Variants in NT5M observed in about 807,000 individuals in gnomAD.
The protein encoded by NT5M is 5',3'-nucleotidase, mitochondrial.
In NT5M, 22 loss-of-function variants were observed where a neutral mutation model predicts 22.2. The observed-to-expected ratio is 0.99, with a 90% CI of 0.71 to 1.41. The LOEUF (loss-of-function observed/expected upper bound fraction) is 1.41, where lower values mean the gene tolerates loss of function less well. NT5M is among the 40% of genes most tolerant of loss of function. The pLI is 0.00. For synonymous variants in NT5M, 167 were observed against 133.0 expected, an observed-to-expected ratio of 1.26 and a Z score of -1.76; for missense variants, 322 against 314.8, an observed-to-expected ratio of 1.02 and a Z score of -0.17.
intron 1 of NT5M, among the ~76,000 whole-genome samples, chr17:17,305,224 G>A (rs895863482): frequency 2.6e-5 from 4 of 152,090 alleles, no homozygotes; most frequent in Non-Finnish European, 5.9e-5. Flanking sequence ...GGCTCTGTAC[G>A]TGTGGGGTTA....
intron 1 of NT5M, chr17:17,304,040 G>C: frequency 1.7e-6 from 2 of 1,185,040 alleles, no homozygotes; most frequent in Non-Finnish European, 2.1e-6. Flanking sequence ...ATGCGGGAGA[G>C]TACAAAGTGT....
At chr17:17,329,223 C>T (rs1419776218) in intron 3 of NT5M, among the ~76,000 whole-genome samples, 1 of 152,186 alleles carries the variant, frequency 6.6e-6, no homozygotes. Context: ...CGTGATCTGC[C>T]CGCCTCGGCC....
chr17:17,303,680 G>T lies in NT5M; in HGVS notation c.130G>T (p.Gly44Cys), dbSNP rs773837079. The T allele has an allele frequency of 6.3e-7, 1 of 1,580,020 alleles. No individual in the cohort carries two copies. The highest frequency in any genetic ancestry group is 8.6e-7 in the Non-Finnish European group (1 of 1,165,618). Residue 44 changes from glycine to cysteine, a missense_variant, in exon 1 of 5, where the codon GGC becomes TGC. By Grantham distance (159) the Gly-to-Cys change is radical. Transcript: ENST00000389022. ...RALRVLVDMD[G>C]VLADFEGGFL... ...CCTACGGGTGCTGGTGGACATGGAC[G>T]GCGTGCTGGCTGACTTCGAGGGCGG...
At chr17:17,340,292 GATT>G (rs977414534) in intron 3 of NT5M, among the ~76,000 whole-genome samples, 4 of 152,106 alleles carry the variant, frequency 2.6e-5, no homozygotes, top group African/African-American at 9.7e-5. Flanking sequence ...AGCCACCGAT[GATT>G]GTTTAAATTT....
chr17:17,311,992 T>C (rs1293010924), intron 2 of NT5M, among the ~76,000 whole-genome samples: 1 of 152,240 alleles, frequency 6.6e-6, no homozygotes, highest in Non-Finnish European at 1.5e-5. Flanking sequence ...CACAGTGGTT[T>C]GGAGTGGGGT....
intron 2 of NT5M, among the ~76,000 whole-genome samples, chr17:17,315,854 A>C (rs1052202061): frequency 7.1e-6 from 1 of 141,562 alleles, no homozygotes. Flanking sequence ...TCCCGGGTTC[A>C]TGCTGTTCTG....
At chr17:17,337,932 C>T (rs118080833) in intron 3 of NT5M, among the ~76,000 whole-genome samples, 81 of 152,274 alleles carry the variant, frequency 5.3e-4, no homozygotes, top group Middle Eastern at 3.4e-3. Flanking sequence ...TCCGTGTTTG[C>T]TTTGGTTGCC....
At chr17:17,342,676 T>A (rs918684014) in intron 3 of NT5M, among the ~76,000 whole-genome samples, 1 of 152,226 alleles carries the variant, frequency 6.6e-6, no homozygotes, top group Non-Finnish European at 1.5e-5. Context: ...CAGTGTTTGT[T>A]TTTCCCTCTG....
intron 1 of NT5M, 64 bp from the exon 2 acceptor site, chr17:17,306,479 C>A: frequency 8.7e-7 from 1 of 1,148,682 alleles, no homozygotes; most frequent in Non-Finnish European, 1.3e-6. Flanking sequence ...GGCCATACTC[C>A]CCAAGATGAG....
chr17:17,347,129 T>C lies in NT5M; in HGVS notation c.*182T>C. The C allele has an allele frequency of 2.6e-6, 2 of 764,558 alleles. No homozygotes were observed. Among genetic ancestry groups the C allele is most frequent in the Non-Finnish European group, 2.0e-6 (1 of 490,572 alleles). 47.4% of individuals were successfully genotyped at this position (764,558 alleles called of 1,614,324 possible). ...CCTTAACCTGATCACGGGGCAGGGC[T>C]GGGCCCTCTGGGCGCTTGGACATAG... On this transcript the variant is annotated 3_prime_UTR_variant, in exon 5 of 5. Coordinates refer to ENST00000389022, the MANE Select transcript of NT5M (RefSeq NM_020201.4).
rs551258750 is a variant in NT5M at position 17,328,241 on chromosome 17, A to G, written c.429+4996A>G. Among the ~76,000 whole-genome samples the G allele has an allele frequency of 6.6e-5, 10 of 152,302 alleles. No homozygotes were observed. The South Asian group carries it at 1.9e-3, about 28-fold the overall frequency. ...AGTGCACAGCAGATTTGAGGAATTC[A>G]GGGTGAATTTTGTTGGCCAGTGGCT... On this transcript the variant is annotated intron_variant, in intron 3 of 4. Coordinates refer to ENST00000389022, the MANE Select transcript of NT5M (RefSeq NM_020201.4).
chr17:17,345,484 G>A lies in NT5M; in HGVS notation c.544+576G>A, dbSNP rs116453241. Among the ~76,000 whole-genome samples, 1,271 of 152,118 alleles carry A rather than the reference G, an allele frequency of 8.4e-3. 29 individuals carry two copies. Among genetic ancestry groups the A allele is most frequent in the African/African-American group, 0.029 (1,216 of 41,490 alleles). ...GTGAAACCAGCCTGGCCAACATAGC[G>A]AGACTCTCTCTACAAAAAATACAAA... On this transcript the variant is annotated intron_variant, in intron 4 of 4. Transcript: ENST00000389022.
At chr17:17,326,807 C>T (rs1488779165) in intron 3 of NT5M, among the ~76,000 whole-genome samples, 1 of 152,170 alleles carries the variant, frequency 6.6e-6, no homozygotes, top group South Asian at 2.1e-4. Context: ...AGTGGATGTC[C>T]TGATCAAACT....
intron 2 of NT5M, among the ~76,000 whole-genome samples, chr17:17,312,498 G>A (rs1404577562): frequency 6.6e-6 from 1 of 151,926 alleles, no homozygotes; most frequent in Admixed American, 6.6e-5. Flanking sequence ...AAACAAATTA[G>A]CCAGGCATGG....
intron 2 of NT5M, among the ~76,000 whole-genome samples, chr17:17,314,926 A>G (rs1482466923): frequency 6.6e-6 from 1 of 152,108 alleles, no homozygotes; most frequent in African/African-American, 2.4e-5. Flanking sequence ...GTTCTGTCCC[A>G]TGACCCTGAG....
At chr17:17,342,598 T>C (rs1192455812) in intron 3 of NT5M, among the ~76,000 whole-genome samples, 9 of 152,236 alleles carry the variant, frequency 5.9e-5, no homozygotes. Flanking sequence ...AGATGTTCCA[T>C]GTTCCAGCCA....
At position 17,315,367 on chromosome 17, in the gene NT5M, C is replaced by T. The variant is rs552687107; in HGVS notation, c.369-7818C>T. Among the ~76,000 whole-genome samples, 5 of 152,282 alleles carry T rather than the reference C, an allele frequency of 3.3e-5. No homozygotes were observed. In the South Asian group the frequency reaches 8.3e-4, roughly 25 times the overall value. On this transcript the variant is annotated intron_variant, in intron 2 of 4. Coordinates refer to ENST00000389022, the MANE Select transcript of NT5M (RefSeq NM_020201.4). ...GTCTCCAGTTTCAGGGCAGGTCTCA[C>T]AGCAGGGAAGATGACAACATATAAA...
chr17:17,328,501 G>C (rs2049308541), intron 3 of NT5M, among the ~76,000 whole-genome samples: 1 of 152,164 alleles, frequency 6.6e-6, no homozygotes, highest in Non-Finnish European at 1.5e-5. Flanking sequence ...CTGAGGGCGG[G>C]CTGGTATTAA....
intron 3 of NT5M, among the ~76,000 whole-genome samples, chr17:17,330,374 G>A (rs1196551422): frequency 1.4e-5 from 2 of 143,050 alleles, no homozygotes; most frequent in Admixed American, 6.9e-5. Context: ...ACGTAAAAAC[G>A]TAGACTTTTT....
Sources: allele counts gnomAD v4.1 joint callset (sites outside exome capture counted in the v4.1 genomes callset), GRCh38; gene constraint gnomAD v4.1.1; transcripts MANE v1.5; gene names NCBI Gene and HGNC (gene_info 2026-07-23, HGNC 2026-07-21).